AKAP6: variants seen among roughly 807,000 people sequenced by gnomAD.
AKAP6 encodes the protein A-kinase anchor protein 6.
In AKAP6, 58 loss-of-function variants were observed where a neutral mutation model predicts 188.5. The ratio of observed to expected loss-of-function variants is 0.31; its 90% CI spans 0.25 to 0.38. The LOEUF is 0.38. AKAP6 is among the 10% of genes least tolerant of loss of function. The pLI is 1.00. For synonymous variants in AKAP6, 989 were observed against 998.6 expected (o/e 0.99, Z 0.18); for missense variants, 2,710 against 2,740.0 (o/e 0.99, Z 0.24).
intron 9 of AKAP6, among the ~76,000 whole-genome samples, chr14:32,715,159 G>A (rs1296117421): frequency 6.6e-6 from 1 of 152,122 alleles, no homozygotes; most frequent in Non-Finnish European, 1.5e-5. Context: ...TATGAAGTTT[G>A]CATCACTTTC....
chr14:32,524,592 A>G (rs1882027211), intron 2 of AKAP6, among the ~76,000 whole-genome samples: 1 of 152,304 alleles, frequency 6.6e-6, no homozygotes, highest in Admixed American at 6.5e-5. Flanking sequence ...CACAAACCTG[A>G]TGCTGCCCTA....
intron 11 of AKAP6, among the ~76,000 whole-genome samples, chr14:32,772,682 C>T (rs1463062199): frequency 6.6e-6 from 1 of 152,178 alleles, no homozygotes; most frequent in Non-Finnish European, 1.5e-5. Flanking sequence ...TCTAGATTAA[C>T]ATTTTAAGCA....
chr14:32,766,257 A>G (rs1343592693), intron 11 of AKAP6, among the ~76,000 whole-genome samples: 1 of 152,064 alleles, frequency 6.6e-6, no homozygotes, highest in South Asian at 2.1e-4. Context: ...ATCCACTCAC[A>G]GTTGATGGGT....
Position 32,545,356 on chromosome 14 carries a change from G to A in AKAP6, c.703G>A (p.Asp235Asn). 6.2e-7 allele frequency: 1 copy of A among 1,614,166 alleles called. No homozygotes were observed. Among genetic ancestry groups the A allele is most frequent in the Non-Finnish European group, 8.5e-7 (1 of 1,179,992 alleles). Reference sequence around the variant, plus strand: ...ACTGTCTGACTACAGTCCAAGTGAGGATTTGCTCAGTGGGCTAGGTGACAT... The same window carrying A: ...ACTGTCTGACTACAGTCCAAGTGAGAATTTGCTCAGTGGGCTAGGTGACAT... Reference protein sequence around the residue: ...FELSDYSPSEDLLSGLGDMTS... With the variant: ...FELSDYSPSENLLSGLGDMTS... The change falls in exon 4 of 14, where the codon GAT becomes AAT. Residue 235 changes from aspartate to asparagine, a missense_variant. Around this residue, in one of 2 missense-constraint regions of AKAP6, gnomAD observed 237 missense variants for 313.9 expected, o/e 0.76. Coordinates refer to ENST00000280979, the MANE Select transcript of AKAP6 (RefSeq NM_004274.5).
At chr14:32,658,212 C>T (rs1888533538) in intron 7 of AKAP6, among the ~76,000 whole-genome samples, 1 of 152,032 alleles carries the variant, frequency 6.6e-6, no homozygotes, top group Non-Finnish European at 1.5e-5. Context: ...AGACGACAGT[C>T]TATGGGGATT....
intron 4 of AKAP6, among the ~76,000 whole-genome samples, chr14:32,562,754 TATAA>T (rs201612226): frequency 5.9e-5 from 9 of 152,172 alleles, no homozygotes; most frequent in African/African-American, 1.7e-4. Flanking sequence ...CGAGACTCCA[TATAA>T]ATAAATAAAT....
chr14:32,534,333 G>A (rs1882569620), intron 2 of AKAP6, among the ~76,000 whole-genome samples: 1 of 152,114 alleles, frequency 6.6e-6, no homozygotes, highest in African/African-American at 2.4e-5. Context: ...GAGCAACTGA[G>A]CCCTTTTAGC....
chr14:32,348,417 C>CTTTTTTTTTTTTTTTTT (rs71115063), intron 1 of AKAP6, among the ~76,000 whole-genome samples: 1 of 126,166 alleles, frequency 7.9e-6, no homozygotes, highest in African/African-American at 3.1e-5. Context: ...TCTTTTGTTT[C>CTTTTTTTTTTTTTTTTT]TTTTTTTTTT....
In AKAP6 at chr14:32,628,805, A is replaced by G. The variant is rs552032388; in HGVS notation, c.2730+28013A>G. Among the ~76,000 whole-genome samples, 8 of 152,246 alleles carry G rather than the reference A, an allele frequency of 5.3e-5. No homozygotes were observed. The South Asian group carries it at 1.7e-3, about 32-fold the overall frequency. On this transcript the variant is annotated intron_variant, in intron 7 of 13. Transcript: ENST00000280979. Reference sequence around the variant, plus strand: ...GGAATGTTATCTTTCCTAAAAATTAAACACATCTGTGTGTTGCTGTTTCTA... The same window carrying G: ...GGAATGTTATCTTTCCTAAAAATTAGACACATCTGTGTGTTGCTGTTTCTA...
chr14:32,635,443 G>A (rs1180336420), intron 7 of AKAP6, among the ~76,000 whole-genome samples: 1 of 152,064 alleles, frequency 6.6e-6, no homozygotes, highest in Non-Finnish European at 1.5e-5. Context: ...AGGATCACAT[G>A]ATACAAGCAT....
At chr14:32,685,152 C>T (rs1227343940) in intron 8 of AKAP6, among the ~76,000 whole-genome samples, 5 of 151,976 alleles carry the variant, frequency 3.3e-5, no homozygotes, top group African/African-American at 7.2e-5. Flanking sequence ...TGGTCCCAGC[C>T]ACCTAGGAGG....
chr14:32,518,325 A>G (rs1881632399), intron 2 of AKAP6, among the ~76,000 whole-genome samples: 1 of 152,236 alleles, frequency 6.6e-6, no homozygotes, highest in Non-Finnish European at 1.5e-5. Flanking sequence ...CCAGCAATGG[A>G]ACAAAGCTGG....
At position 32,837,483 on chromosome 14, in the gene AKAP6, A is replaced by T. The variant is rs1354907501; in HGVS notation, c.*7678A>T. On this transcript the variant is annotated 3_prime_UTR_variant, in exon 14 of 14. Coordinates refer to ENST00000280979, the MANE Select transcript of AKAP6 (RefSeq NM_004274.5). ...CAATATTCCCTAACCACTGGTTTATAAAAAATACTCTAAGGTTTATAGAAT... is the reference window on the plus strand; with the variant it reads ...CAATATTCCCTAACCACTGGTTTATTAAAAATACTCTAAGGTTTATAGAAT... 1.3e-5 allele frequency: 2 copies of T among 152,186 alleles called. No individual in the cohort carries two copies. Among genetic ancestry groups the T allele is most frequent in the Non-Finnish European group, 2.9e-5 (2 of 68,032 alleles). The allele number at this position is 152,186 out of a possible 1,614,324, so 9.4% of individuals were successfully genotyped here. A position where few individuals can be genotyped will look rare whatever the true frequency, so the allele number is the denominator to read the frequency against.
intron 9 of AKAP6, among the ~76,000 whole-genome samples, chr14:32,701,731 T>A (rs920804670): frequency 2.6e-5 from 4 of 152,146 alleles, no homozygotes; most frequent in African/African-American, 9.7e-5. Context: ...AATTCACACA[T>A]TTCAGCTTTC....
intron 7 of AKAP6, among the ~76,000 whole-genome samples, chr14:32,668,132 G>C (rs185733770): frequency 3.3e-3 from 501 of 152,170 alleles, no homozygotes; most frequent in Non-Finnish European, 4.4e-3. Flanking sequence ...ATTTGCTAAG[G>C]AAACAGTAAT....
intron 11 of AKAP6, among the ~76,000 whole-genome samples, chr14:32,758,810 A>G (rs559235485): frequency 2.0e-5 from 3 of 152,202 alleles, no homozygotes; most frequent in African/African-American, 7.2e-5. Context: ...GCTTATTAAT[A>G]CTACTAAGTA....
intron 4 of AKAP6, among the ~76,000 whole-genome samples, chr14:32,573,136 G>A (rs1385447604): frequency 6.6e-6 from 1 of 152,146 alleles, no homozygotes; most frequent in East Asian, 1.9e-4. Flanking sequence ...GCAGCAGAAA[G>A]GGACAATAAG....
intron 12 of AKAP6, among the ~76,000 whole-genome samples, chr14:32,815,054 C>A (rs2034343610): frequency 6.6e-6 from 1 of 152,158 alleles, no homozygotes; most frequent in Non-Finnish European, 1.5e-5. Context: ...TGTCCCTGAT[C>A]CCTTTTGAGA....
chr14:32,567,082 C>T (rs1884227531), intron 4 of AKAP6, among the ~76,000 whole-genome samples: 1 of 152,094 alleles, frequency 6.6e-6, no homozygotes, highest in African/African-American at 2.4e-5. Context: ...CCACCCTGAC[C>T]AGCAAGTGTT....
Sources: gnomAD v4.1 joint callset for allele counts (sites outside exome capture counted in the v4.1 genomes callset) on GRCh38, gnomAD v4.1.1 for gene constraint, gnomAD v4.1.1 regional missense constraint, MANE v1.5 for transcripts, NCBI Gene and HGNC (gene_info 2026-07-23, HGNC 2026-07-21) for gene names.